MBNL1: variants seen among roughly 807,000 people sequenced by gnomAD.
MBNL1 encodes the protein muscleblind-like protein 1.
A neutral mutation model predicts 42.2 loss-of-function variants in MBNL1; 8 were observed. That is an observed-to-expected ratio of 0.19 (90% CI 0.11 to 0.34). The LOEUF (loss-of-function observed/expected upper bound fraction) is 0.34, where lower values mean the gene tolerates loss of function less well. Among genes scored for constraint, MBNL1 ranks in the 10% least tolerant of loss-of-function variants. The pLI is 1.00. For missense variants in MBNL1, 309 were observed against 495.3 expected (o/e 0.62, Z 3.57); for synonymous variants, 169 against 173.9 (o/e 0.97, Z 0.22).
intron 2 of MBNL1, among the ~76,000 whole-genome samples, chr3:152,312,632 A>G (rs989183720): frequency 6.6e-5 from 10 of 152,218 alleles, no homozygotes. Context: ...AGGTCAGAAT[A>G]AAGATTGTTA....
rs1047676338 is a variant in MBNL1, at chr3:152,446,840, A to G, written c.808-780A>G. The G allele has an allele frequency of 3.4e-6, 4 of 1,180,462 alleles. 1 individual carries two copies. Among genetic ancestry groups the G allele is most frequent in the East Asian group, 2.5e-5 (1 of 39,644 alleles). The allele number at this position is 1,180,462 out of a possible 1,614,324, so 73.1% of individuals were successfully genotyped here. A position where few individuals can be genotyped will look rare whatever the true frequency, so the allele number is the denominator to read the frequency against. On this transcript the variant is annotated intron_variant, in intron 5 of 9. Coordinates refer to ENST00000324210, the MANE Select transcript of MBNL1 (RefSeq NM_021038.5). ...TTTTTTTAAATCAACTTTAAAATAT[A>G]TATCCTTTTTTCTGTTATAGAGTTG...
intron 2 of MBNL1, among the ~76,000 whole-genome samples, chr3:152,407,149 G>C (rs546797915): frequency 7.7e-6 from 1 of 129,518 alleles, no homozygotes; most frequent in South Asian, 2.6e-4. Flanking sequence ...TTGAAAACAT[G>C]TTTTATATCT....
chr3:152,246,905 C>T (rs1474986686), intron 2 of MBNL1, among the ~76,000 whole-genome samples: 3 of 151,932 alleles, frequency 2.0e-5, no homozygotes, highest in Non-Finnish European at 2.9e-5. Flanking sequence ...AGTTGCTCAT[C>T]TATAGAAATA....
chr3:152,460,667 T>A (rs112266737), intron 9 of MBNL1, among the ~76,000 whole-genome samples: 1,766 of 152,204 alleles, frequency 0.012, 29 homozygotes, highest in African/African-American at 0.04. Context: ...AGGTGTCCAT[T>A]TTTCATCCAT....
At chr3:152,304,492 G>A (rs995462477) in intron 2 of MBNL1, among the ~76,000 whole-genome samples, 3 of 152,164 alleles carry the variant, frequency 2.0e-5, no homozygotes, top group African/African-American at 7.2e-5. Flanking sequence ...TGGAATCACT[G>A]TTACCAGGAA....
intron 2 of MBNL1, among the ~76,000 whole-genome samples, chr3:152,358,824 G>T (rs557881098): frequency 2.0e-5 from 3 of 152,074 alleles, no homozygotes; most frequent in Admixed American, 6.6e-5. Context: ...TGCCCAGGCT[G>T]GTCTCAAACT....
chr3:152,458,243 A>G (rs771815108), intron 8 of MBNL1: 19 of 1,530,282 alleles, frequency 1.2e-5, no homozygotes, highest in Middle Eastern at 1.7e-4. Flanking sequence ...CCATTTGCCA[A>G]TGCTGTAAAA....
rs137918707 is a variant in MBNL1, at chr3:152,278,656, G to A, written c.-790+9564G>A. 3.7e-3 allele frequency among the ~76,000 whole-genome samples: 566 copies of A among 152,184 alleles called. 5 individuals carry two copies. The highest frequency in any genetic ancestry group is 0.013 in the African/African-American group (541 of 41,536). The stretch of plus-strand genomic sequence containing the variant: ...ATTAATTTAGGAAGAATAGTATTAT[G>A]CCTATTCCTCTGTAGTTGATTAAAG... On this transcript the variant is annotated intron_variant, in intron 1 of 9. Transcript: ENST00000324210.
At chr3:152,294,676 A>G (rs1389305743) in intron 1 of MBNL1, among the ~76,000 whole-genome samples, 1 of 152,142 alleles carries the variant, frequency 6.6e-6, no homozygotes, top group Non-Finnish European at 1.5e-5. Context: ...GAAGCAATGT[A>G]CCCATTAGTA....
intron 2 of MBNL1, among the ~76,000 whole-genome samples, chr3:152,384,472 C>G (rs2097323976): frequency 1.3e-5 from 2 of 152,064 alleles, no homozygotes; most frequent in African/African-American, 4.8e-5. Flanking sequence ...TGTAAAAAAT[C>G]ACACTTGATT....
chr3:152,346,456 C>T (rs1300445702), intron 2 of MBNL1, among the ~76,000 whole-genome samples: 1 of 151,798 alleles, frequency 6.6e-6, no homozygotes, highest in East Asian at 1.9e-4. Flanking sequence ...TCATATTGTC[C>T]CATTATTCTG....
intron 2 of MBNL1, among the ~76,000 whole-genome samples, chr3:152,249,188 G>A (rs1257651388): frequency 1.9e-4 from 22 of 118,310 alleles, no homozygotes; most frequent in African/African-American, 6.7e-4. Flanking sequence ...CTGAGGAATC[G>A]CCACACTGAC....
upstream of MBNL1, chr3:152,265,778 CT>C (rs1470211196): frequency 1.3e-5 from 2 of 152,070 alleles, no homozygotes; most frequent in Non-Finnish European, 2.9e-5. Flanking sequence ...TATAATTTCC[CT>C]CTCCACCCAT....
At chr3:152,430,581 T>A (rs1354019251) in intron 3 of MBNL1, among the ~76,000 whole-genome samples, 1 of 152,236 alleles carries the variant, frequency 6.6e-6, no homozygotes, top group Non-Finnish European at 1.5e-5. Flanking sequence ...AATCTGACAA[T>A]GTATAACAAA....
intron 1 of MBNL1, among the ~76,000 whole-genome samples, chr3:152,282,977 C>G (rs2049370418): frequency 6.6e-6 from 1 of 152,162 alleles, no homozygotes; most frequent in Admixed American, 6.5e-5. Flanking sequence ...GCTGTGACAG[C>G]CAGGGCTGAT....
At chr3:152,362,736 G>A (rs1413575254) in intron 2 of MBNL1, among the ~76,000 whole-genome samples, 1 of 152,118 alleles carries the variant, frequency 6.6e-6, no homozygotes, top group Non-Finnish European at 1.5e-5. Flanking sequence ...AGGCAAAAGT[G>A]CCCCTGCTTG....
At chr3:152,376,009 AAGTTT>A (rs2096881535) in intron 2 of MBNL1, among the ~76,000 whole-genome samples, 1 of 152,144 alleles carries the variant, frequency 6.6e-6, no homozygotes, top group Non-Finnish European at 1.5e-5. Flanking sequence ...AGAAAAATCT[AAGTTT>A]AGATACCAAT....
intron 2 of MBNL1, among the ~76,000 whole-genome samples, chr3:152,336,563 T>A (rs2090352878): frequency 6.6e-6 from 1 of 152,208 alleles, no homozygotes; most frequent in African/African-American, 2.4e-5. Context: ...AAATTTAGAT[T>A]CCTCATTCTC....
chr3:152,291,447 G>A (rs1027953473), intron 1 of MBNL1, among the ~76,000 whole-genome samples: 1 of 152,088 alleles, frequency 6.6e-6, no homozygotes, highest in East Asian at 1.9e-4. Context: ...AATGAGTGAC[G>A]TTTGATGCTG....
Sources: gnomAD v4.1 joint callset for allele counts (sites outside exome capture counted in the v4.1 genomes callset) on GRCh38, gnomAD v4.1.1 for gene constraint, MANE v1.5 for transcripts, NCBI Gene and HGNC (gene_info 2026-07-23, HGNC 2026-07-21) for gene names.